The following NRG1 variants were observed in gnomAD, a reference collection of about 807,000 sequenced individuals.
The protein encoded by NRG1 is pro-neuregulin-1, membrane-bound isoform.
Under a neutral mutation model 63.8 loss-of-function variants are expected in NRG1, and 18 were observed. The ratio of observed to expected loss-of-function variants is 0.28; its 90% CI spans 0.19 to 0.42. The LOEUF (loss-of-function observed/expected upper bound fraction) is 0.42. Among genes scored for constraint, NRG1 ranks in the 10% least tolerant of loss-of-function variants. The pLI is 1.00. For missense variants in NRG1, 762 were observed against 814.7 expected, an observed-to-expected ratio of 0.94 and a Z score of 0.79; for synonymous variants, 302 against 301.3, an observed-to-expected ratio of 1.00 and a Z score of -0.02.
At chr8:32,069,704 C>T (rs1825459587) in intron 1 of NRG1, among the ~76,000 whole-genome samples, 1 of 152,064 alleles carries the variant, frequency 6.6e-6, no homozygotes, top group Non-Finnish European at 1.5e-5. Flanking sequence ...CATGATAGAA[C>T]CCAAGGGTGC....
chr8:31,998,208 G>A (rs553530543), intron 1 of NRG1, among the ~76,000 whole-genome samples: 1 of 152,132 alleles, frequency 6.6e-6, no homozygotes, highest in South Asian at 2.1e-4. Context: ...TCCAGCCTAG[G>A]GAGGTATCAA....
intron 5 of NRG1, among the ~76,000 whole-genome samples, chr8:32,629,726 A>G (rs1389264686): frequency 6.6e-6 from 1 of 152,152 alleles, no homozygotes; most frequent in Non-Finnish European, 1.5e-5. Flanking sequence ...TATCATAAAT[A>G]CTTGTTTTCA....
intron 1 of NRG1, among the ~76,000 whole-genome samples, chr8:31,945,250 A>T (rs768901067): frequency 1.7e-4 from 26 of 152,056 alleles, no homozygotes; most frequent in Non-Finnish European, 2.8e-4. Flanking sequence ...TTCTCTTTTT[A>T]ACTTAGTATG....
At chr8:32,167,509 T>C (rs1331282436) in intron 1 of NRG1, among the ~76,000 whole-genome samples, 2 of 152,220 alleles carry the variant, frequency 1.3e-5, no homozygotes, top group Non-Finnish European at 2.9e-5. Flanking sequence ...TAATCATTTC[T>C]ACAAAATAAC....
rs181554068 is a variant in NRG1 at position 32,740,367 on chromosome 8, C to T, written c.633-2308C>T. On this transcript the variant is annotated intron_variant, in intron 6 of 11. Transcript: ENST00000356819. ...CCCGCCACCACACCCAGCTATTTTT[C>T]ATATTTTTAGTAGAGACAGGGTTTC... 4.8e-3 allele frequency among the ~76,000 whole-genome samples: 733 copies of T among 151,802 alleles called. 6 individuals are homozygous for T. The highest frequency in any genetic ancestry group is 0.01 in the Middle Eastern group (3 of 294).
chr8:32,040,367 A>G (rs1819743420), intron 1 of NRG1, among the ~76,000 whole-genome samples: 1 of 152,164 alleles, frequency 6.6e-6, no homozygotes, highest in South Asian at 2.1e-4. Flanking sequence ...AGTGAAAGTC[A>G]AAGCACATTA....
At chr8:32,115,945 G>T (rs1832659606) in intron 1 of NRG1, among the ~76,000 whole-genome samples, 1 of 152,060 alleles carries the variant, frequency 6.6e-6, no homozygotes, top group South Asian at 2.1e-4. Flanking sequence ...CTGACTGATG[G>T]GGCAAATCAA....
chr8:32,648,390 TAGAGAG>T, intron 5 of NRG1: 1 of 1,581,330 alleles, frequency 6.3e-7, no homozygotes, highest in Non-Finnish European at 8.7e-7. Context: ...ACTTTGTAAG[TAGAGAG>T]AGAGAGAGAG....
At chr8:32,366,677 G>GTGTATATATATATATATATA (rs1164696498) in intron 1 of NRG1, among the ~76,000 whole-genome samples, 11 of 87,498 alleles carry the variant, frequency 1.3e-4, no homozygotes, top group Non-Finnish European at 2.2e-4. Context: ...GTGTGTGTGT[G>GTGTATATATATATATATATA]TATATATATA....
chr8:32,147,027 C>A (rs1489223519), intron 1 of NRG1, among the ~76,000 whole-genome samples: 1 of 152,108 alleles, frequency 6.6e-6, no homozygotes, highest in African/African-American at 2.4e-5. Flanking sequence ...AAGTAGTAAA[C>A]ATTAATTTCC....
At chr8:32,340,412 A>G (rs1316195648) in intron 1 of NRG1, among the ~76,000 whole-genome samples, 2 of 152,102 alleles carry the variant, frequency 1.3e-5, no homozygotes, top group African/African-American at 4.8e-5. Flanking sequence ...TCATCCCTTC[A>G]TGACTGTCTC....
At chr8:32,037,483 G>A (rs1028345111) in intron 1 of NRG1, among the ~76,000 whole-genome samples, 3 of 152,190 alleles carry the variant, frequency 2.0e-5, no homozygotes, top group Non-Finnish European at 4.4e-5. Flanking sequence ...AGGAGAATCC[G>A]CCTCATCAGG....
chr8:31,742,302 C>T (rs1815357406), intron 1 of NRG1, among the ~76,000 whole-genome samples: 1 of 151,744 alleles, frequency 6.6e-6, no homozygotes, highest in African/African-American at 2.4e-5. Flanking sequence ...TGTGTTGTTC[C>T]ATTTCTCAGT....
chr8:31,912,979 A>G (rs1833073507), intron 1 of NRG1, among the ~76,000 whole-genome samples: 1 of 152,194 alleles, frequency 6.6e-6, no homozygotes, highest in Admixed American at 6.5e-5. Context: ...TTTAGCTACC[A>G]TCTATTGAGC....
intron 1 of NRG1, among the ~76,000 whole-genome samples, chr8:31,795,587 G>T (rs1821125617): frequency 6.6e-6 from 1 of 152,060 alleles, no homozygotes; most frequent in Admixed American, 6.6e-5. Flanking sequence ...TTAAAAACTG[G>T]CTTTGGTTAT....
Position 32,270,669 on chromosome 8 carries a change from G to T in NRG1, c.38-325159G>T, listed in dbSNP as rs116661783. On this transcript the variant is annotated intron_variant, in intron 1 of 10. Transcript: ENST00000519301. ...TTGGGATTACCAATTTCAACATGAAGGTCCGAGTGAACTTTGCTAGAGGTG... is the reference window on the plus strand; with the variant it reads ...TTGGGATTACCAATTTCAACATGAATGTCCGAGTGAACTTTGCTAGAGGTG... Among the ~76,000 whole-genome samples the T allele has an allele frequency of 2.5e-3, 380 of 152,250 alleles. 1 individual carries two copies. Among genetic ancestry groups the T allele is most frequent in the African/African-American group, 8.8e-3 (367 of 41,544 alleles).
chr8:31,788,674 C>A (rs1311863759), intron 1 of NRG1, among the ~76,000 whole-genome samples: 1 of 152,124 alleles, frequency 6.6e-6, no homozygotes, highest in Non-Finnish European at 1.5e-5. Flanking sequence ...ACAGTATATA[C>A]CTCTTGAATT....
At chr8:31,703,003 T>C (rs982993974) in intron 1 of NRG1, among the ~76,000 whole-genome samples, 2 of 151,028 alleles carry the variant, frequency 1.3e-5, no homozygotes, top group Non-Finnish European at 2.9e-5. Flanking sequence ...TGTGAATCTC[T>C]ATAAAGCAAA....
chr8:31,739,759 G>A (rs1001764561), intron 1 of NRG1, among the ~76,000 whole-genome samples: 13 of 152,060 alleles, frequency 8.5e-5, no homozygotes, highest in African/African-American at 2.4e-4. Context: ...TCAGTTGCAC[G>A]AGAGTGTTCT....
Sources: gnomAD v4.1 joint callset for allele counts (sites outside exome capture counted in the v4.1 genomes callset) on GRCh38, gnomAD v4.1.1 for gene constraint, MANE v1.5 for transcripts, NCBI Gene and HGNC (gene_info 2026-07-23, HGNC 2026-07-21) for gene names.